The following SERPINB9 variants were observed in gnomAD, a reference collection of about 807,000 sequenced individuals.
SERPINB9 encodes the protein serpin B9.
SERPINB9 carries 20 observed loss-of-function variants against 27.2 expected under a neutral mutation model. The ratio of observed to expected loss-of-function variants is 0.74; its 90% CI spans 0.52 to 1.07. The LOEUF is 1.07. Among genes scored for constraint, SERPINB9 ranks in the 50% least tolerant of loss-of-function variants. The probability of loss-of-function intolerance (pLI) is 0.00; values close to 1 mark genes in which losing one functional copy is unlikely to be tolerated. For missense variants in SERPINB9, 476 were observed against 460.1 expected (o/e 1.03, Z -0.32); for synonymous variants, 189 against 180.0 (o/e 1.05, Z -0.40).
intron 1 of SERPINB9, among the ~76,000 whole-genome samples, chr6:2,902,637 A>G (rs1768243233): frequency 6.6e-6 from 1 of 152,204 alleles, no homozygotes. Context: ...TTCCTGCCTC[A>G]GCACATAGCT....
rs1767773501 is a variant in SERPINB9, at chr6:2,890,810, T to G, written c.724-240A>C. Among the ~76,000 whole-genome samples the G allele has an allele frequency of 6.6e-6, 1 of 152,036 alleles. No homozygotes were observed. The highest frequency in any genetic ancestry group is 2.1e-4 in the South Asian group (1 of 4,830). On this transcript the variant is annotated intron_variant, in intron 6 of 6. Transcript: ENST00000380698. This position sits in a 1 kb window ranked among gnomAD's most constrained non-coding sequence, Gnocchi z 6.2. The stretch of plus-strand genomic sequence containing the variant: ...AGAGGCAGGAAGGCTGTGGCTGTCC[T>G]CTCCTTATCCAACAACTCCAGAGAC...
chr6:2,896,246 G>C, intron 2 of SERPINB9, 56 bp from the exon 3 acceptor site: 1 of 1,525,472 alleles, frequency 6.6e-7, no homozygotes, highest in Non-Finnish European at 9.0e-7. Flanking sequence ...TGGCTGGGGA[G>C]AGGAGAGAGA....
chr6:2,891,953 C>G lies in SERPINB9; in HGVS notation c.603G>C (p.Glu201Asp). ...EQRPVQMMYQ[E>D]ATFKLAHVGE... The stretch of plus-strand genomic sequence containing the variant: ...CCACGTGGGCGAGCTTAAACGTGGC[C>G]TCCTGATACATCATCTGCACTGGCC... Residue 201 changes from glutamate (E) to aspartate (D), a missense_variant, in exon 6 of 7, where the codon GAG becomes GAC. Transcript: ENST00000380698. This position sits in a 1 kb window ranked among gnomAD's most constrained non-coding sequence, Gnocchi z 4.0. The G allele has an allele frequency of 6.2e-7, 1 of 1,613,584 alleles. No individual in the cohort carries two copies. The highest frequency in any genetic ancestry group is 8.5e-7 in the Non-Finnish European group (1 of 1,179,918).
Position 2,889,505 on chromosome 6 carries a change from C to T in SERPINB9, c.*658G>A, listed in dbSNP as rs1380728521. ...GGTCAGGAGATCGACACCATCCTGGCTAACACGGTGAAACCCCGTCTCTAC... is the reference window on the plus strand; with the variant it reads ...GGTCAGGAGATCGACACCATCCTGGTTAACACGGTGAAACCCCGTCTCTAC... On this transcript the variant is annotated 3_prime_UTR_variant, in exon 7 of 7. Coordinates refer to ENST00000380698, the MANE Select transcript of SERPINB9 (RefSeq NM_004155.6). 6.6e-6 allele frequency: 1 copy of T among 151,852 alleles called. No homozygotes were observed. Among genetic ancestry groups the T allele is most frequent in the Admixed American group, 6.6e-5 (1 of 15,248 alleles). 9.4% of individuals were successfully genotyped at this position (151,852 alleles called of 1,614,324 possible).
At chr6:2,902,065 G>T (rs1426480432) in intron 1 of SERPINB9, among the ~76,000 whole-genome samples, 1 of 152,120 alleles carries the variant, frequency 6.6e-6, no homozygotes. Context: ...TTAAAACGGT[G>T]TCTTACCCAC....
In SERPINB9 at chr6:2,891,747, C is replaced by T. The variant is rs1767804884; in HGVS notation, c.723+86G>A. 8 of 1,467,228 alleles carry T rather than the reference C, an allele frequency of 5.5e-6. No individual in the cohort carries two copies. The highest frequency in any genetic ancestry group is 7.3e-6 in the Non-Finnish European group (8 of 1,101,922). The allele number at this position is 1,467,228 out of a possible 1,614,324, so 90.9% of individuals were successfully genotyped here. A position where few individuals can be genotyped will look rare whatever the true frequency, so the allele number is the denominator to read the frequency against. On this transcript the variant is annotated intron_variant, in intron 6 of 6. Coordinates refer to ENST00000380698, the MANE Select transcript of SERPINB9 (RefSeq NM_004155.6). The surrounding 1 kb of genome is among the most constrained non-coding windows in gnomAD (Gnocchi z 4.0). The stretch of plus-strand genomic sequence containing the variant: ...GTGTGCGTCTGCCGCATCGCCAACT[C>T]AGAAGGTGAATATGAGAGGTGGAAG...
rs182304970 is a variant in SERPINB9 at position 2,889,671 on chromosome 6, G to T, written c.*492C>A. 1.3e-5 allele frequency: 2 copies of T among 150,270 alleles called. No homozygotes were observed. The highest frequency in any genetic ancestry group is 3.0e-5 in the Non-Finnish European group (2 of 67,760). The allele number at this position is 150,270 out of a possible 1,614,324, so 9.3% of individuals were successfully genotyped here. ...GATCGAGCCACTGCACTCCAGCCTGGGCGACAGAGAGCCAGACTGCGTCTC... is the reference window on the plus strand; with the variant it reads ...GATCGAGCCACTGCACTCCAGCCTGTGCGACAGAGAGCCAGACTGCGTCTC... On this transcript the variant is annotated 3_prime_UTR_variant, in exon 7 of 7. Transcript: ENST00000380698.
chr6:2,891,090 G>A lies in SERPINB9; in HGVS notation c.724-520C>T, dbSNP rs1767785338. ...CCGGAGCATAGTTTCAGGAAGGTGG[G>A]CAGAGGGAGAGCCAATGGCTGCTGC... On this transcript the variant is annotated intron_variant, in intron 6 of 6. Coordinates refer to ENST00000380698, the MANE Select transcript of SERPINB9 (RefSeq NM_004155.6). This position sits in a 1 kb window ranked among gnomAD's most constrained non-coding sequence, Gnocchi z 4.0. Among the ~76,000 whole-genome samples, 2 of 152,334 alleles carry A rather than the reference G, an allele frequency of 1.3e-5. No individual in the cohort carries two copies. The highest frequency in any genetic ancestry group is 2.1e-4 in the South Asian group (1 of 4,822).
At position 2,888,551 on chromosome 6, in the gene SERPINB9, A is replaced by C. The variant is rs1767669963; in HGVS notation, c.*1612T>G. On this transcript the variant is annotated 3_prime_UTR_variant, in exon 7 of 7. Coordinates refer to ENST00000380698, the MANE Select transcript of SERPINB9 (RefSeq NM_004155.6). ...GCTACTATGTAAATAAATCTCAAAA[A>C]CTTGTACTAAGTGAAAGAAGCCAGA... The C allele has an allele frequency of 6.6e-6, 1 of 152,194 alleles. No homozygotes were observed. The highest frequency in any genetic ancestry group is 2.4e-5 in the African/African-American group (1 of 41,442). 9.4% of individuals were successfully genotyped at this position (152,194 alleles called of 1,614,324 possible).
At chr6:2,896,225 T>C in intron 2 of SERPINB9, 35 bp from the exon 3 acceptor site, 1 of 1,603,604 alleles carries the variant, frequency 6.2e-7, no homozygotes, top group Non-Finnish European at 8.5e-7. Flanking sequence ...GTTATCAAGA[T>C]AGCTCTTTGA....
intron 1 of SERPINB9, among the ~76,000 whole-genome samples, chr6:2,901,942 ACG>A (rs1375456064): frequency 6.7e-6 from 1 of 149,088 alleles, no homozygotes; most frequent in Non-Finnish European, 1.5e-5. Flanking sequence ...AGCCACCCCC[ACG>A]CCACAGCCAC....
At chr6:2,902,690 G>T (rs1432539970) in intron 1 of SERPINB9, among the ~76,000 whole-genome samples, 1 of 152,094 alleles carries the variant, frequency 6.6e-6, no homozygotes, top group Non-Finnish European at 1.5e-5. Flanking sequence ...GCTAATTTCT[G>T]TATTTTTAGT....
intron 1 of SERPINB9, among the ~76,000 whole-genome samples, chr6:2,902,384 G>C (rs1380966183): frequency 6.6e-6 from 1 of 152,204 alleles, no homozygotes; most frequent in African/African-American, 2.4e-5. Context: ...GCTGAGCCTG[G>C]CTCTGCAGAT....
chr6:2,901,794 G>A lies in SERPINB9; in HGVS notation c.-10-1173C>T, dbSNP rs180724207. 2.5e-3 allele frequency among the ~76,000 whole-genome samples: 387 copies of A among 152,118 alleles called. 4 individuals are homozygous for A. The highest frequency in any genetic ancestry group is 0.011 in the South Asian group (54 of 4,808). ...CTTCCCACTTCGGATTCTGTGCCTG[G>A]TCTAATGCCCAGGCCCCCTCCCGAG... is the stretch of plus-strand genomic sequence containing the variant. On this transcript the variant is annotated intron_variant, in intron 1 of 6. Transcript: ENST00000380698.
intron 5 of SERPINB9, 102 bp from the exon 6 acceptor site, chr6:2,892,090 T>G: frequency 4.0e-6 from 2 of 501,382 alleles, no homozygotes; most frequent in East Asian, 5.8e-5. Flanking sequence ...GCCACATTCA[T>G]GCCCCAGTTA....
At chr6:2,896,268 A>G in intron 2 of SERPINB9, 78 bp from the exon 3 acceptor site, 1 of 1,348,138 alleles carries the variant, frequency 7.4e-7, no homozygotes, top group South Asian at 1.3e-5. Flanking sequence ...GGGACAGAAA[A>G]CAGGCGAGTA....
chr6:2,899,043 T>C lies in SERPINB9; in HGVS notation c.168+1401A>G, dbSNP rs560132217. Among the ~76,000 whole-genome samples, 87 of 152,298 alleles carry C rather than the reference T, an allele frequency of 5.7e-4. 1 individual carries two copies. Among genetic ancestry groups the C allele is most frequent in the African/African-American group, 2.0e-3 (83 of 41,552 alleles). On this transcript the variant is annotated intron_variant, in intron 2 of 6. Transcript: ENST00000380698. ...GCATGTTACAGGTAGCAACGTGTAC[T>C]CAGTATGTTTGGTGTCTCACAAGCA...
chr6:2,890,660 C>T lies in SERPINB9; in HGVS notation c.724-90G>A, dbSNP rs1421361489. 1.7e-5 allele frequency: 22 copies of T among 1,279,750 alleles called. No homozygotes were observed. Among genetic ancestry groups the T allele is most frequent in the South Asian group, 7.0e-5 (5 of 71,264 alleles). 79.3% of individuals were successfully genotyped at this position (1,279,750 alleles called of 1,614,324 possible). A position where few individuals can be genotyped will look rare whatever the true frequency, so the allele number is the denominator to read the frequency against. ...TCACAGTTCCCTTCCTCCCCTTGCA[C>T]GTAGGTGTTGTTTGTTCACATAGGA... On this transcript the variant is annotated intron_variant, in intron 6 of 6. Coordinates refer to ENST00000380698, the MANE Select transcript of SERPINB9 (RefSeq NM_004155.6). The surrounding 1 kb of genome is among the most constrained non-coding windows in gnomAD (Gnocchi z 6.2).
Position 2,891,756 on chromosome 6 carries a change from AAT to A in SERPINB9, c.723+75_723+76del, listed in dbSNP as rs1581192820. 6.7e-7 allele frequency: 1 copy of A among 1,487,154 alleles called. No individual in the cohort carries two copies. The highest frequency in any genetic ancestry group is 9.0e-7 in the Non-Finnish European group (1 of 1,115,738). 92.1% of individuals were successfully genotyped at this position (1,487,154 alleles called of 1,614,324 possible). ...TGCCGCATCGCCAACTCAGAAGGTG[AAT>A]ATGAGAGGTGGAAGTGGCACTCGAG... On this transcript the variant is annotated intron_variant, in intron 6 of 6. Transcript: ENST00000380698. The surrounding 1 kb of genome is among the most constrained non-coding windows in gnomAD (Gnocchi z 4.0).
Sources: allele counts gnomAD v4.1 joint callset (sites outside exome capture counted in the v4.1 genomes callset), GRCh38; gene constraint gnomAD v4.1.1; non-coding constraint Gnocchi (gnomAD v3.1); transcripts MANE v1.5; gene names NCBI Gene and HGNC (gene_info 2026-07-23, HGNC 2026-07-21).